Variants in TAF6L observed in about 807,000 individuals in gnomAD.
TAF6L encodes the protein TAF6-like RNA polymerase II p300/CBP-associated factor-associated factor 65 kDa subunit 6L.
A neutral mutation model predicts 57.3 loss-of-function variants in TAF6L; 34 were observed. That is an observed-to-expected ratio of 0.59 (90% CI 0.45 to 0.79). The LOEUF (loss-of-function observed/expected upper bound fraction) is 0.79. TAF6L is among the 30% of genes least tolerant of loss of function. The pLI is 0.00. For synonymous variants in TAF6L, 417 were observed against 376.3 expected (o/e 1.11, Z -1.25); for missense variants, 782 against 853.2 (o/e 0.92, Z 1.04).
chr11:62,771,931 A>G (rs1253260354), intron 1 of TAF6L: 1 of 356,130 alleles, frequency 2.8e-6, no homozygotes, highest in Non-Finnish European at 5.5e-6. Flanking sequence ...AGGGTCACCA[A>G]GGGGTGGGTC....
chr11:62,773,741 T>C (rs545204), intron 1 of TAF6L, among the ~76,000 whole-genome samples: 16,428 of 151,960 alleles, frequency 0.11, 1,985 homozygotes, highest in African/African-American at 0.3. Flanking sequence ...AGCCACTGGG[T>C]CCAGCTACAA....
intron 1 of TAF6L, chr11:62,772,140 A>G (rs902975536): frequency 2.2e-6 from 1 of 456,162 alleles, no homozygotes; most frequent in African/African-American, 2.0e-5. Flanking sequence ...TGCCTGTGAA[A>G]TAGACGAAAT....
At chr11:62,784,997 C>T (rs1021853649) in intron 9 of TAF6L, among the ~76,000 whole-genome samples, 2 of 151,888 alleles carry the variant, frequency 1.3e-5, no homozygotes, top group Non-Finnish European at 2.9e-5. Context: ...AGATTTAGAT[C>T]ATCTTTTTCT....
intron 1 of TAF6L, among the ~76,000 whole-genome samples, chr11:62,772,769 G>A (rs1166281634): frequency 6.7e-6 from 1 of 149,026 alleles, no homozygotes; most frequent in Non-Finnish European, 1.5e-5. Context: ...CTGCACTCCA[G>A]CCTGGGTGAC....
In TAF6L at chr11:62,778,916, C is replaced by T; in HGVS notation, c.484C>T (p.His162Tyr). The change falls in exon 6 of 11, where the codon CAC (histidine) becomes TAC (tyrosine). Residue 162 changes from histidine (H) to tyrosine (Y), a missense_variant. Around this residue, in one of 3 missense-constraint regions of TAF6L, gnomAD observed 220 missense variants for 252.1 expected, o/e 0.87. Coordinates refer to ENST00000294168, the MANE Select transcript of TAF6L (RefSeq NM_006473.4). ...GACAGATGACCTTCTCAAGTACTAT[C>T]ACCAGGTGACTCGTGCTGTGCTAGG... ...SLTDDLLKYY[H>Y]QVTRAVLGDD... 1 of 1,614,092 alleles carries T rather than the reference C, an allele frequency of 6.2e-7. No homozygotes were observed. Among genetic ancestry groups the T allele is most frequent in the Non-Finnish European group, 8.5e-7 (1 of 1,179,990 alleles).
Position 62,778,099 on chromosome 11 carries a change from C to G in TAF6L, c.356C>G (p.Pro119Arg). ...LVELALATNI[P>R]KGCAETAVRV... ...GAGCTGGCCCTGGCTACCAACATCC[C>G]CAAAGGCTGTGCTGAGACAGCTGTC... The change falls in exon 4 of 11, where the codon CCC becomes CGC. Residue 119 changes from proline (P) to arginine (R), a missense_variant. Pro to Arg is a moderately radical substitution (Grantham distance 103). Around this residue, in one of 3 missense-constraint regions of TAF6L, gnomAD observed 220 missense variants for 252.1 expected, o/e 0.87. Coordinates refer to ENST00000294168, the MANE Select transcript of TAF6L (RefSeq NM_006473.4). 3 of 1,614,152 alleles carry G rather than the reference C, an allele frequency of 1.9e-6. No individual in the cohort carries two copies. Among genetic ancestry groups the G allele is most frequent in the Non-Finnish European group, 2.5e-6 (3 of 1,180,038 alleles).
Position 62,774,727 on chromosome 11 carries a change from A to G in TAF6L, c.-13-1044A>G, listed in dbSNP as rs979170971. On this transcript the variant is annotated intron_variant, in intron 1 of 10. Coordinates refer to ENST00000294168, the MANE Select transcript of TAF6L (RefSeq NM_006473.4). ...AGCCAAACTGGGGAAGACCAAACACATAGGCAGAAAGCCCAGCTACTATCC... is the reference window on the plus strand; with the variant it reads ...AGCCAAACTGGGGAAGACCAAACACGTAGGCAGAAAGCCCAGCTACTATCC... 4 of 450,056 alleles carry G rather than the reference A, an allele frequency of 8.9e-6. No homozygotes were observed. In the East Asian group the frequency reaches 2.1e-4, roughly 24 times the overall value. 27.9% of individuals were successfully genotyped at this position (450,056 alleles called of 1,614,324 possible). A position where few individuals can be genotyped will look rare whatever the true frequency, so the allele number is the denominator to read the frequency against.
chr11:62,775,965 T>C, intron 2 of TAF6L, 35 bp downstream of exon 2: 3 of 1,570,732 alleles, frequency 1.9e-6, no homozygotes, highest in South Asian at 1.2e-5. Flanking sequence ...CCTCCAACTT[T>C]CCTTGTTTCT....
chr11:62,771,987 C>T (rs1590931168), intron 1 of TAF6L: 2 of 402,886 alleles, frequency 5.0e-6, no homozygotes. Flanking sequence ...GTTCCCCATA[C>T]AGCTGGCGGC....
At position 62,787,215 on chromosome 11, in the gene TAF6L, G is replaced by T. The variant is rs751078026; in HGVS notation, c.1788G>T (p.Gln596His). Residue 596 changes from glutamine to histidine, a missense_variant, in exon 11 of 11, where the codon CAG becomes CAT. This residue lies in a region of TAF6L where 483 missense variants were observed against 445.1 expected (regional missense o/e 1.09). Transcript: ENST00000294168. ...YGPSPASRYVQKLPMIGRTSR... is the reference protein window; with the variant it reads ...YGPSPASRYVHKLPMIGRTSR... Reference sequence around the variant, plus strand: ...CTAGCCCGGCCTCGCGCTACGTGCAGAAACTGCCCATGATCGGCCGTACCA... The same window carrying T: ...CTAGCCCGGCCTCGCGCTACGTGCATAAACTGCCCATGATCGGCCGTACCA... The T allele has an allele frequency of 1.9e-6, 3 of 1,588,052 alleles. No individual in the cohort carries two copies. In the South Asian group the frequency reaches 3.3e-5, roughly 18 times the overall value.
chr11:62,778,356 C>T, intron 5 of TAF6L, 21 bp downstream of exon 5: 1 of 1,614,100 alleles, frequency 6.2e-7, no homozygotes, highest in Non-Finnish European at 8.5e-7. Flanking sequence ...ATGTAGGAAA[C>T]AGGCTCTTTG....
intron 1 of TAF6L, among the ~76,000 whole-genome samples, chr11:62,772,863 G>A (rs1244024845): frequency 7.1e-6 from 1 of 140,400 alleles, no homozygotes; most frequent in Non-Finnish European, 1.6e-5. Flanking sequence ...TTTTTTTTTT[G>A]TTTGTTTTTG....
At chr11:62,776,896 C>G (rs1199226993) in intron 3 of TAF6L, among the ~76,000 whole-genome samples, 1 of 150,696 alleles carries the variant, frequency 6.6e-6, no homozygotes, top group Non-Finnish European at 1.5e-5. Context: ...CACCTAAAAT[C>G]CCAGCACTTT....
chr11:62,774,989 G>A (rs965950805), intron 1 of TAF6L, among the ~76,000 whole-genome samples: 2 of 151,582 alleles, frequency 1.3e-5, no homozygotes, highest in African/African-American at 2.4e-5. Context: ...ACTTGAACCC[G>A]GGAGGCGGAG....
intron 6 of TAF6L, among the ~76,000 whole-genome samples, chr11:62,781,004 G>A (rs1304595906): frequency 1.3e-5 from 2 of 151,042 alleles, no homozygotes; most frequent in Non-Finnish European, 2.9e-5. Flanking sequence ...GGGAGGCCGA[G>A]GCGGGTGGAT....
In TAF6L at chr11:62,785,381, C is replaced by T. The variant is rs1013431072; in HGVS notation, c.961-879C>T. Among the ~76,000 whole-genome samples the T allele has an allele frequency of 3.3e-5, 5 of 150,676 alleles. No individual in the cohort carries two copies. The South Asian group carries it at 6.3e-4, about 19-fold the overall frequency. The stretch of plus-strand genomic sequence containing the variant: ...TAATTTTTTGTATTTTTAGTAGAGA[C>T]GGGGTTTCACTGTGCTGGCCAGGGC... On this transcript the variant is annotated intron_variant, in intron 9 of 10. Transcript: ENST00000294168.
At chr11:62,779,296 G>A (rs1418257028) in intron 6 of TAF6L, among the ~76,000 whole-genome samples, 2 of 152,146 alleles carry the variant, frequency 1.3e-5, no homozygotes, top group Non-Finnish European at 2.9e-5. Flanking sequence ...CTGGGTTCAT[G>A]CCATTCTCCT....
intron 9 of TAF6L, among the ~76,000 whole-genome samples, chr11:62,785,000 C>T (rs977360721): frequency 2.0e-5 from 3 of 151,944 alleles, no homozygotes; most frequent in African/African-American, 4.8e-5. Flanking sequence ...TTTAGATCAT[C>T]TTTTTCTTTT....
chr11:62,777,347 A>G (rs1199546766), intron 3 of TAF6L, among the ~76,000 whole-genome samples: 1 of 152,146 alleles, frequency 6.6e-6, no homozygotes, highest in Non-Finnish European at 1.5e-5. Context: ...AAAGAAAAAA[A>G]GACTAAACGC....
Sources: allele counts gnomAD v4.1 joint callset (sites outside exome capture counted in the v4.1 genomes callset), GRCh38; gene constraint gnomAD v4.1.1; regional missense constraint gnomAD v4.1.1; transcripts MANE v1.5; gene names NCBI Gene and HGNC (gene_info 2026-07-23, HGNC 2026-07-21).